ZFHX3: variants seen among roughly 807,000 people sequenced by gnomAD.
ZFHX3 encodes the protein zinc finger homeobox protein 3.
A neutral mutation model predicts 279.1 loss-of-function variants in ZFHX3; 42 were observed. That is an observed-to-expected ratio of 0.15 (90% CI 0.12 to 0.19). The LOEUF (loss-of-function observed/expected upper bound fraction) is 0.19. Ranked by LOEUF, ZFHX3 falls within the 10% of genes least tolerant of loss-of-function variation. The pLI is 1.00. For synonymous variants in ZFHX3, 2,293 were observed against 1,957.8 expected (o/e 1.17, Z -4.52); for missense variants, 4,981 against 4,754.0 (o/e 1.05, Z -1.40).
rs770212022 is a variant in ZFHX3, at chr16:72,784,712, G to A, written c.*2452C>T. Reference sequence around the variant, plus strand: ...AAAACAGTAAATGTTTTGCGTACTTGCTTTTGACACCTTATGCTACAACTG... The same window carrying A: ...AAAACAGTAAATGTTTTGCGTACTTACTTTTGACACCTTATGCTACAACTG... On this transcript the variant is annotated 3_prime_UTR_variant, in exon 10 of 10. Coordinates refer to ENST00000268489, the MANE Select transcript of ZFHX3 (RefSeq NM_006885.4). The A allele has an allele frequency of 6.6e-6, 1 of 152,366 alleles. No individual in the cohort carries two copies. Among genetic ancestry groups the A allele is most frequent in the East Asian group, 1.9e-4 (1 of 5,186 alleles). The allele number at this position is 152,366 out of a possible 1,614,324, so 9.4% of individuals were successfully genotyped here.
At chr16:73,029,958 A>G (rs1964635432) in intron 1 of ZFHX3, among the ~76,000 whole-genome samples, 1 of 152,244 alleles carries the variant, frequency 6.6e-6, no homozygotes, top group African/African-American at 2.4e-5. Context: ...TTCCTAATGT[A>G]TCTTGGGACT....
intron 3 of ZFHX3, among the ~76,000 whole-genome samples, chr16:73,375,453 G>T (rs117310798): frequency 6.6e-6 from 1 of 152,082 alleles, no homozygotes; most frequent in Non-Finnish European, 1.5e-5. Flanking sequence ...GGATGTTAGG[G>T]TTGGTCACTG....
In ZFHX3 at chr16:72,959,158, C is replaced by T. The variant is rs1171562821; in HGVS notation, c.988G>A (p.Gly330Ser). 3.7e-6 allele frequency: 6 copies of T among 1,614,094 alleles called. No homozygotes were observed. Among genetic ancestry groups the T allele is most frequent in the East Asian group, 2.2e-5 (1 of 44,894 alleles). The change falls in exon 2 of 10, where the codon GGC becomes AGC. Residue 330 changes from glycine (G) to serine (S), a missense_variant. By Grantham distance (56) the Gly-to-Ser change is moderately conservative (BLOSUM62 0). Around this residue, in one of 7 missense-constraint regions of ZFHX3, gnomAD observed 1,068 missense variants for 935.2 expected, o/e 1.14. Coordinates refer to ENST00000268489, the MANE Select transcript of ZFHX3 (RefSeq NM_006885.4). The stretch of plus-strand genomic sequence containing the variant: ...CTTACAAGGGGTTCCTTGTCTTTGC[C>T]GATCCCTTGGATGATAGCGGAGATG... Reference protein sequence around the residue: ...KNISAIIQGIGKDKEPLVSFL... With the variant: ...KNISAIIQGISKDKEPLVSFL...
intron 2 of ZFHX3, among the ~76,000 whole-genome samples, chr16:73,501,303 A>T (rs1471917173): frequency 6.6e-6 from 1 of 152,250 alleles, no homozygotes; most frequent in Non-Finnish European, 1.5e-5. Context: ...TTCTTAGAAC[A>T]TATCTTCACT....
chr16:73,197,379 G>A (rs1376152606), intron 5 of ZFHX3, among the ~76,000 whole-genome samples: 1 of 152,196 alleles, frequency 6.6e-6, no homozygotes, highest in Non-Finnish European at 1.5e-5. Flanking sequence ...TAGAGGACAA[G>A]CTAGCAAGGT....
At chr16:72,963,215 G>A (rs560435182) in intron 1 of ZFHX3, among the ~76,000 whole-genome samples, 1 of 152,198 alleles carries the variant, frequency 6.6e-6, no homozygotes, top group South Asian at 2.1e-4. Flanking sequence ...CACGTTCTGT[G>A]CCCCTTCCCA....
At chr16:73,028,698 G>A (rs1002165512) in intron 1 of ZFHX3, among the ~76,000 whole-genome samples, 4 of 152,224 alleles carry the variant, frequency 2.6e-5, no homozygotes, top group African/African-American at 9.6e-5. Context: ...GAAGCCCATG[G>A]TACAGGCTTT....
chr16:73,092,040 G>C (rs902048734), intron 8 of ZFHX3, among the ~76,000 whole-genome samples: 2 of 152,232 alleles, frequency 1.3e-5, no homozygotes, highest in Non-Finnish European at 2.9e-5. Context: ...TGCAATCACA[G>C]AATCAACGAA....
rs140855953 is a variant in ZFHX3 at position 73,459,594 on chromosome 16, C to G, written c.-1546-3336G>C. Among the ~76,000 whole-genome samples the G allele has an allele frequency of 5.8e-3, 876 of 152,282 alleles. 5 individuals carry two copies. The highest frequency in any genetic ancestry group is 0.02 in the African/African-American group (819 of 41,546). On this transcript the variant is annotated intron_variant, in intron 2 of 17. Transcript: ENST00000641206. Reference sequence around the variant, plus strand: ...TGTTGGCCAGGCTGGTCTCGAACTCCTGGCCTCAAGTGATCTGCCCGCCTT... The same window carrying G: ...TGTTGGCCAGGCTGGTCTCGAACTCGTGGCCTCAAGTGATCTGCCCGCCTT...
chr16:73,529,276 T>C (rs1420553560), intron 2 of ZFHX3, among the ~76,000 whole-genome samples: 1 of 152,190 alleles, frequency 6.6e-6, no homozygotes, highest in Admixed American at 6.5e-5. Flanking sequence ...TCAAAGGATT[T>C]GCTATTAATT....
chr16:73,410,677 T>C (rs948998406), intron 3 of ZFHX3, among the ~76,000 whole-genome samples: 2 of 152,186 alleles, frequency 1.3e-5, no homozygotes, highest in African/African-American at 4.8e-5. Flanking sequence ...CTTGGACCAG[T>C]GTGATCTGAA....
chr16:73,049,294 A>G (rs898138800), upstream of ZFHX3, among the ~76,000 whole-genome samples: 1 of 152,224 alleles, frequency 6.6e-6, no homozygotes, highest in African/African-American at 2.4e-5. Flanking sequence ...CCACCCACCC[A>G]GGCTGGCCTT....
At chr16:73,000,235 GGA>G (rs1337436987) in intron 1 of ZFHX3, among the ~76,000 whole-genome samples, 2 of 152,198 alleles carry the variant, frequency 1.3e-5, no homozygotes, top group Admixed American at 6.5e-5. Flanking sequence ...CCAGGGCACT[GGA>G]GAGAGGAGGG....
Position 73,147,647 on chromosome 16 carries a change from G to C in ZFHX3, c.-1103-3816C>G, listed in dbSNP as rs560513119. 2.6e-3 allele frequency among the ~76,000 whole-genome samples: 346 copies of C among 135,508 alleles called. 1 individual carries two copies. The highest frequency in any genetic ancestry group is 9.1e-3 in the African/African-American group (325 of 35,730). The allele number at this position is 135,508 out of a possible 152,430, so 88.9% of individuals were successfully genotyped here. A position where few individuals can be genotyped will look rare whatever the true frequency, so the allele number is the denominator to read the frequency against. On this transcript the variant is annotated intron_variant, in intron 5 of 17. Coordinates refer to the ZFHX3 transcript ENST00000641206. The stretch of plus-strand genomic sequence containing the variant: ...GCGGAGCTTGCAGTGAGCCGAGATC[G>C]CGCCACCGCACTCCAGCCTGGGCGA...
intron 8 of ZFHX3, among the ~76,000 whole-genome samples, chr16:73,076,647 A>G (rs1965889036): frequency 6.6e-6 from 1 of 152,212 alleles, no homozygotes; most frequent in African/African-American, 2.4e-5. Context: ...TTCCAGAAGT[A>G]TCTTTCTCTT....
chr16:73,826,198 CTGTT>C (rs1192316732), intron 1 of ZFHX3, among the ~76,000 whole-genome samples: 3 of 126,460 alleles, frequency 2.4e-5, no homozygotes, highest in African/African-American at 7.3e-5. Flanking sequence ...ATTTGGCTCT[CTGTT>C]TGTCTGTTTT....
At chr16:72,809,022 A>C (rs984393664) in intron 7 of ZFHX3, among the ~76,000 whole-genome samples, 1 of 152,244 alleles carries the variant, frequency 6.6e-6, no homozygotes, top group Non-Finnish European at 1.5e-5. Flanking sequence ...AAGCAAACAC[A>C]GAAGTAATAT....
At chr16:73,816,938 G>C (rs1960590843) in intron 1 of ZFHX3, among the ~76,000 whole-genome samples, 1 of 152,192 alleles carries the variant, frequency 6.6e-6, no homozygotes, top group African/African-American at 2.4e-5. Context: ...TGAGGTTGCA[G>C]TTTTAGCACA....
At chr16:73,833,497 C>T (rs1961054353) in intron 1 of ZFHX3, among the ~76,000 whole-genome samples, 1 of 152,078 alleles carries the variant, frequency 6.6e-6, no homozygotes, top group Non-Finnish European at 1.5e-5. Context: ...AGCAAACTAA[C>T]ACAAGAAAAG....
Sources: gnomAD v4.1 joint callset for allele counts (sites outside exome capture counted in the v4.1 genomes callset) on GRCh38, gnomAD v4.1.1 for gene constraint, gnomAD v4.1.1 regional missense constraint, MANE v1.5 for transcripts, NCBI Gene and HGNC (gene_info 2026-07-23, HGNC 2026-07-21) for gene names.